PTBP3: variants seen among roughly 807,000 people sequenced by gnomAD.
PTBP3 encodes polypyrimidine tract-binding protein 3.
In PTBP3, 20 loss-of-function variants were observed where a neutral mutation model predicts 58.7. The ratio of observed to expected loss-of-function variants is 0.34; its 90% CI spans 0.24 to 0.50. PTBP3 has a LOEUF of 0.50. Among genes scored for constraint, PTBP3 ranks in the 20% least tolerant of loss-of-function variants. The pLI is 0.98. For missense variants in PTBP3, 509 were observed against 637.2 expected (o/e 0.80, Z 2.17); for synonymous variants, 185 against 219.8 (o/e 0.84, Z 1.40).
intron 1 of PTBP3, among the ~76,000 whole-genome samples, chr9:112,327,536 G>C (rs1411241511): frequency 6.6e-6 from 1 of 151,984 alleles, no homozygotes; most frequent in Non-Finnish European, 1.5e-5. Context: ...CTCCAGCCTG[G>C]GGCAACAGAG....
chr9:112,243,540 T>A (rs780536892), intron 7 of PTBP3, among the ~76,000 whole-genome samples: 11 of 149,040 alleles, frequency 7.4e-5, no homozygotes, highest in Non-Finnish European at 1.5e-4. Context: ...AGACTCTGTC[T>A]CAAAAAATAA....
intron 3 of PTBP3, among the ~76,000 whole-genome samples, chr9:112,272,333 G>T (rs1388268863): frequency 6.6e-6 from 1 of 152,124 alleles, no homozygotes; most frequent in Non-Finnish European, 1.5e-5. Flanking sequence ...CCAAAGTGGT[G>T]GGATTACAGG....
intron 1 of PTBP3, among the ~76,000 whole-genome samples, chr9:112,329,054 A>G (rs961827898): frequency 6.6e-6 from 1 of 152,232 alleles, no homozygotes; most frequent in African/African-American, 2.4e-5. Context: ...GGGAACCTTT[A>G]GAACACCCAG....
chr9:112,233,841 G>C (rs1409994121), intron 8 of PTBP3, among the ~76,000 whole-genome samples: 1 of 152,004 alleles, frequency 6.6e-6, no homozygotes, highest in Non-Finnish European at 1.5e-5. Context: ...TGAGGCATGA[G>C]AATCATTTGA....
At chr9:112,252,826 A>G (rs773959786) in intron 5 of PTBP3, 38 bp from the exon 6 acceptor site, 19 of 1,208,478 alleles carry the variant, frequency 1.6e-5, no homozygotes, top group Non-Finnish European at 2.1e-5. Flanking sequence ...TGTAAAAGAA[A>G]AGTATTAAAC....
the PTBP3 span, among the ~76,000 whole-genome samples, chr9:112,348,399 G>A: frequency 6.6e-6 from 1 of 152,238 alleles, no homozygotes; most frequent in African/African-American, 2.4e-5. Context: ...TGTGCACTAA[G>A]AGACAAAATG....
In PTBP3 at chr9:112,314,951, C is replaced by A. The variant is rs182632975; in HGVS notation, c.-51-17035G>T. Among the ~76,000 whole-genome samples the A allele has an allele frequency of 1.6e-3, 243 of 152,064 alleles. 1 individual carries two copies. Among genetic ancestry groups the A allele is most frequent in the Admixed American group, 6.2e-3 (94 of 15,254 alleles). On this transcript the variant is annotated intron_variant, in intron 1 of 13. Transcript: ENST00000374257. ...GGTTTACACCATTCTCCTGCCTCAG[C>A]CTCCCAAGTAGCTGGGACTACAGGC...
chr9:112,333,611 A>T lies in PTBP3; in HGVS notation c.-193T>A. On this transcript the variant is annotated 5_prime_UTR_variant, in exon 1 of 14. Coordinates refer to ENST00000374257, the MANE Select transcript of PTBP3 (RefSeq NM_001163788.4). ...CGGAGCCCCGGCCGGTCCGAGGTGG[A>T]AGGAGAGTGGGAACAGGGGCGGGGA... is the stretch of plus-strand genomic sequence containing the variant. 1 of 1,071,986 alleles carries T rather than the reference A, an allele frequency of 9.3e-7. No individual in the cohort carries two copies. The allele number at this position is 1,071,986 out of a possible 1,614,324, so 66.4% of individuals were successfully genotyped here. A position where few individuals can be genotyped will look rare whatever the true frequency, so the allele number is the denominator to read the frequency against.
chr9:112,287,345 T>G lies in PTBP3; in HGVS notation c.34+10487A>C, dbSNP rs867890564. On this transcript the variant is annotated intron_variant, in intron 2 of 13. Coordinates refer to ENST00000374257, the MANE Select transcript of PTBP3 (RefSeq NM_001163788.4). ...TCACTTCTTTTTCAGTTTTTTGTTT[T>G]TTTTTTTTTTTTGAGACAGAGTCTT... Among the ~76,000 whole-genome samples, 686 of 144,800 alleles carry G rather than the reference T, an allele frequency of 4.7e-3. 10 individuals carry two copies. The highest frequency in any genetic ancestry group is 0.016 in the African/African-American group (645 of 39,348). The allele number at this position is 144,800 out of a possible 152,430, so 95.0% of individuals were successfully genotyped here.
At chr9:112,307,568 G>A (rs763531814) in intron 1 of PTBP3, among the ~76,000 whole-genome samples, 5 of 152,086 alleles carry the variant, frequency 3.3e-5, no homozygotes, top group Non-Finnish European at 7.4e-5. Flanking sequence ...ACTTTTAAAA[G>A]CTGGTAACTT....
intron 10 of PTBP3, 31 bp downstream of exon 10, chr9:112,231,339 CACACCTGTAG>C: frequency 6.7e-7 from 1 of 1,498,724 alleles, no homozygotes; most frequent in Non-Finnish European, 9.1e-7. Context: ...GTGCTCAATT[CACACCTGTAG>C]ACAATAATAA....
At position 112,283,467 on chromosome 9, in the gene PTBP3, T is replaced by G. The variant is rs563888734; in HGVS notation, c.35-7454A>C. Among the ~76,000 whole-genome samples the G allele has an allele frequency of 2.5e-3, 387 of 152,268 alleles. 2 individuals carry two copies. The highest frequency in any genetic ancestry group is 8.9e-3 in the African/African-American group (369 of 41,550). On this transcript the variant is annotated intron_variant, in intron 2 of 13. Transcript: ENST00000374257. ...GCTTTAGCAAAGAGACTGGCAGCAT[T>G]TTGCCCCATGCTAGAGATCTGTGGA...
rs928790577 is a variant in PTBP3 at position 112,223,542 on chromosome 9, G to A, written c.*309C>T. 1.0e-5 allele frequency: 10 copies of A among 985,372 alleles called. No individual in the cohort carries two copies. The highest frequency in any genetic ancestry group is 1.2e-5 in the Non-Finnish European group (10 of 806,458). The allele number at this position is 985,372 out of a possible 1,614,324, so 61.0% of individuals were successfully genotyped here. A position where few individuals can be genotyped will look rare whatever the true frequency, so the allele number is the denominator to read the frequency against. On this transcript the variant is annotated 3_prime_UTR_variant, in exon 14 of 14. Coordinates refer to ENST00000374257, the MANE Select transcript of PTBP3 (RefSeq NM_001163788.4). ...TGATCTGGACCCAAACTAAAACAAC[G>A]TTAATCCTCTTCAAATCTAATTTAA...
the PTBP3 span, among the ~76,000 whole-genome samples, chr9:112,359,495 T>C: frequency 1.3e-5 from 2 of 150,694 alleles, no homozygotes; most frequent in Non-Finnish European, 3.0e-5. Context: ...GTTTATAATA[T>C]ACTAGGTAAG....
At chr9:112,296,211 A>G (rs1281116032) in intron 2 of PTBP3, among the ~76,000 whole-genome samples, 1 of 152,140 alleles carries the variant, frequency 6.6e-6, no homozygotes, top group Non-Finnish European at 1.5e-5. Flanking sequence ...TTTTAAAACA[A>G]CACCTAAACA....
chr9:112,368,991 G>A, the PTBP3 span, among the ~76,000 whole-genome samples: 1 of 152,226 alleles, frequency 6.6e-6, no homozygotes, highest in South Asian at 2.1e-4. Context: ...CAATCCCCAA[G>A]CCTTGATGGC....
the PTBP3 span, among the ~76,000 whole-genome samples, chr9:112,355,714 C>T: frequency 2.1e-4 from 31 of 148,998 alleles, no homozygotes; most frequent in Non-Finnish European, 7.4e-5. Context: ...GCAGGCTTGA[C>T]CTCCTGGGTT....
chr9:112,269,699 C>G (rs572842967), intron 3 of PTBP3, among the ~76,000 whole-genome samples: 1 of 152,194 alleles, frequency 6.6e-6, no homozygotes, highest in South Asian at 2.1e-4. Context: ...ATTTTTAATT[C>G]CTGTTAATTG....
chr9:112,288,277 A>G (rs1828230800), intron 2 of PTBP3, among the ~76,000 whole-genome samples: 1 of 152,118 alleles, frequency 6.6e-6, no homozygotes, highest in Non-Finnish European at 1.5e-5. Flanking sequence ...TGAGTCCTGG[A>G]AAGTTAAGCT....
Sources: gnomAD v4.1 joint callset for allele counts (sites outside exome capture counted in the v4.1 genomes callset) on GRCh38, gnomAD v4.1.1 for gene constraint, MANE v1.5 for transcripts, NCBI Gene and HGNC (gene_info 2026-07-23, HGNC 2026-07-21) for gene names.